The following GPBP1 variants were observed in gnomAD, a reference collection of about 807,000 sequenced individuals.
GPBP1 encodes the protein vasculin.
Under a neutral mutation model 56.5 loss-of-function variants are expected in GPBP1, and 13 were observed. That is an observed-to-expected ratio of 0.23 (90% CI 0.15 to 0.37). The LOEUF is 0.37. Ranked by LOEUF, GPBP1 falls within the 10% of genes least tolerant of loss-of-function variation. The pLI is 1.00. For synonymous variants in GPBP1, 204 were observed against 188.9 expected (o/e 1.08, Z -0.66); for missense variants, 477 against 572.3 (o/e 0.83, Z 1.70).
At chr5:57,240,682 G>A (rs1326643136) in intron 6 of GPBP1, among the ~76,000 whole-genome samples, 1 of 152,074 alleles carries the variant, frequency 6.6e-6, no homozygotes, top group Admixed American at 6.6e-5. Context: ...AATGAGAAAA[G>A]CACTGTTGGG....
At chr5:57,216,427 A>G (rs1755701047) in intron 3 of GPBP1, among the ~76,000 whole-genome samples, 1 of 152,176 alleles carries the variant, frequency 6.6e-6, no homozygotes. Flanking sequence ...ACGATTAAAA[A>G]ACAAAACACC....
intron 10 of GPBP1, among the ~76,000 whole-genome samples, chr5:57,260,514 C>T (rs1283335625): frequency 6.6e-6 from 1 of 152,106 alleles, no homozygotes; most frequent in East Asian, 1.9e-4. Flanking sequence ...GATGTCTTAC[C>T]TTTGTGGTGC....
chr5:57,214,344 G>A, intron 3 of GPBP1, 151 bp downstream of exon 3: 1 of 660,462 alleles, frequency 1.5e-6, no homozygotes, highest in Admixed American at 2.2e-5. Context: ...TCAGCACTTT[G>A]GGAGGCTGAG....
At chr5:57,228,819 A>G (rs1307963986) in intron 3 of GPBP1, among the ~76,000 whole-genome samples, 1 of 151,854 alleles carries the variant, frequency 6.6e-6, no homozygotes, top group African/African-American at 2.4e-5. Flanking sequence ...AAAAAAAACT[A>G]ACCATAAAGA....
intron 3 of GPBP1, among the ~76,000 whole-genome samples, chr5:57,220,225 G>A (rs754576342): frequency 6.6e-6 from 1 of 152,014 alleles, no homozygotes; most frequent in Non-Finnish European, 1.5e-5. Flanking sequence ...ACTGAGCTCA[G>A]GAGATGCTTC....
At chr5:57,232,798 C>G (rs937255489) in intron 5 of GPBP1, among the ~76,000 whole-genome samples, 1 of 152,148 alleles carries the variant, frequency 6.6e-6, no homozygotes, top group African/African-American at 2.4e-5. Context: ...TAAAAATGGC[C>G]TTGCCGAGGA....
At chr5:57,194,374 C>T (rs1013237498) in intron 2 of GPBP1, among the ~76,000 whole-genome samples, 8 of 151,886 alleles carry the variant, frequency 5.3e-5, no homozygotes, top group Non-Finnish European at 1.2e-4. Context: ...GCATTTTTGC[C>T]TTGTGTAAAA....
intron 2 of GPBP1, among the ~76,000 whole-genome samples, chr5:57,181,281 G>A (rs1291224495): frequency 1.3e-5 from 2 of 152,142 alleles, no homozygotes; most frequent in Admixed American, 6.6e-5. Flanking sequence ...ATGGCAGTGA[G>A]CGGTGATTGC....
At chr5:57,209,499 C>A (rs771612119) in intron 2 of GPBP1, among the ~76,000 whole-genome samples, 7 of 152,094 alleles carry the variant, frequency 4.6e-5, no homozygotes, top group African/African-American at 1.7e-4. Context: ...TGCCTAGTTG[C>A]TATGGTTAGA....
chr5:57,241,679 AC>A (rs1315565104), intron 6 of GPBP1, among the ~76,000 whole-genome samples: 1 of 152,246 alleles, frequency 6.6e-6, no homozygotes, highest in African/African-American at 2.4e-5. Context: ...TGAAATTTGA[AC>A]ATGAGAATAC....
intron 3 of GPBP1, among the ~76,000 whole-genome samples, chr5:57,229,853 A>G (rs562509822): frequency 6.7e-6 from 1 of 149,832 alleles, no homozygotes; most frequent in East Asian, 2.0e-4. Context: ...TCAAACATTT[A>G]TTGATCATTT....
intron 2 of GPBP1, among the ~76,000 whole-genome samples, chr5:57,208,759 C>A (rs375937710): frequency 2.0e-5 from 3 of 150,310 alleles, no homozygotes; most frequent in Non-Finnish European, 2.9e-5. Flanking sequence ...TGGGTTCAAG[C>A]GATTCTCCTA....
intron 10 of GPBP1, among the ~76,000 whole-genome samples, chr5:57,258,778 G>A (rs1465382982): frequency 6.6e-6 from 1 of 152,290 alleles, no homozygotes; most frequent in East Asian, 1.9e-4. Context: ...ACCATGCTCG[G>A]CTAGATTATT....
intron 2 of GPBP1, among the ~76,000 whole-genome samples, chr5:57,191,555 TA>T (rs1451801769): frequency 2.0e-4 from 18 of 90,560 alleles, no homozygotes; most frequent in African/African-American, 7.9e-4. Context: ...CATTTATCTT[TA>T]GGTTTTTTTT....
intron 2 of GPBP1, among the ~76,000 whole-genome samples, chr5:57,193,164 A>G (rs1038536992): frequency 5.3e-5 from 8 of 152,038 alleles, no homozygotes; most frequent in Non-Finnish European, 1.2e-4. Context: ...TAAAAATACA[A>G]AAATTAGCTG....
chr5:57,204,006 T>C (rs1363601421), intron 2 of GPBP1, among the ~76,000 whole-genome samples: 1 of 152,216 alleles, frequency 6.6e-6, no homozygotes, highest in Non-Finnish European at 1.5e-5. Flanking sequence ...TGATGACCCG[T>C]AACTCTTAGT....
At chr5:57,230,066 G>T (rs1019377710) in intron 3 of GPBP1, among the ~76,000 whole-genome samples, 1 of 150,844 alleles carries the variant, frequency 6.6e-6, no homozygotes, top group African/African-American at 2.4e-5. Flanking sequence ...GAGTAGCTGG[G>T]ATTACAGGCA....
At chr5:57,237,883 T>C (rs893670713) in intron 6 of GPBP1, among the ~76,000 whole-genome samples, 1 of 152,038 alleles carries the variant, frequency 6.6e-6, no homozygotes, top group Admixed American at 6.5e-5. Context: ...AACTATAATT[T>C]TGTAGATTGA....
At chr5:57,183,529 G>A (rs1754152971) in intron 2 of GPBP1, among the ~76,000 whole-genome samples, 1 of 152,124 alleles carries the variant, frequency 6.6e-6, no homozygotes, top group Non-Finnish European at 1.5e-5. Context: ...TGTAGTCCCA[G>A]CTACTTGGGA....
Sources: allele counts gnomAD v4.1 joint callset (sites outside exome capture counted in the v4.1 genomes callset), GRCh38; gene constraint gnomAD v4.1.1; transcripts MANE v1.5; gene names NCBI Gene and HGNC (gene_info 2026-07-23, HGNC 2026-07-21).